Variants in TEX9 observed in about 807,000 individuals in gnomAD.
TEX9 encodes the protein testis-expressed protein 9.
Under a neutral mutation model 59.6 loss-of-function variants are expected in TEX9, and 74 were observed. The observed-to-expected ratio is 1.24, with a 90% CI of 1.03 to 1.51. The LOEUF (loss-of-function observed/expected upper bound fraction) is 1.51, where lower values mean the gene tolerates loss of function less well. TEX9 is among the 40% of genes most tolerant of loss of function. The pLI, the probability that TEX9 is intolerant of heterozygous loss-of-function variation, is 0.00. For synonymous variants in TEX9, 186 were observed against 152.2 expected (o/e 1.22, Z -1.64); for missense variants, 522 against 447.8 (o/e 1.17, Z -1.49).
At chr15:56,310,385 T>A (rs1391394921) in intron 1 of TEX9, among the ~76,000 whole-genome samples, 1 of 152,162 alleles carries the variant, frequency 6.6e-6, no homozygotes, top group East Asian at 1.9e-4. Flanking sequence ...TGAGCCGAGA[T>A]TGGGCCATTG....
chr15:56,326,697 T>G (rs374155309), intron 1 of TEX9, among the ~76,000 whole-genome samples: 3 of 152,052 alleles, frequency 2.0e-5, no homozygotes, highest in South Asian at 4.1e-4. Flanking sequence ...TGGAGAAAAA[T>G]CTCATGGAGA....
At chr15:56,365,509 C>T in intron 1 of TEX9, 32 bp downstream of exon 1, 1 of 1,614,206 alleles carries the variant, frequency 6.2e-7, no homozygotes, top group Non-Finnish European at 8.5e-7. Context: ...TGGGGAGCGT[C>T]TGGGTTCCGG....
At chr15:56,315,979 C>A (rs1372614069) in intron 1 of TEX9, among the ~76,000 whole-genome samples, 11 of 151,600 alleles carry the variant, frequency 7.3e-5, no homozygotes, top group Non-Finnish European at 1.5e-4. Flanking sequence ...ACGTAGCTCT[C>A]GAGCCTTGGT....
chr15:56,357,292 T>C (rs1045776337), intron 1 of TEX9, among the ~76,000 whole-genome samples: 3 of 152,198 alleles, frequency 2.0e-5, no homozygotes, highest in Non-Finnish European at 2.9e-5. Flanking sequence ...CTGGCTTTCA[T>C]TGTAGCTATT....
intron 1 of TEX9, among the ~76,000 whole-genome samples, chr15:56,328,988 A>G (rs2713911): frequency 0.95 from 145,331 of 152,234 alleles, 69,760 homozygotes; most frequent in East Asian, 1. Flanking sequence ...CGAGTGCTGT[A>G]TTGGCTTCAG....
chr15:56,455,915 A>T, the TEX9 span, among the ~76,000 whole-genome samples: 1 of 152,184 alleles, frequency 6.6e-6, no homozygotes, highest in East Asian at 1.9e-4. Context: ...CATCTAAAGA[A>T]GACAGATGCA....
At chr15:56,402,865 C>A (rs1334812291) in intron 9 of TEX9, among the ~76,000 whole-genome samples, 2 of 152,190 alleles carry the variant, frequency 1.3e-5, no homozygotes, top group Non-Finnish European at 2.9e-5. Flanking sequence ...ATCACATAAA[C>A]AGAACCAACA....
At chr15:56,373,462 G>T in exon 3 of TEX9, 1 of 1,585,964 alleles carries the variant, frequency 6.3e-7, no homozygotes, top group Non-Finnish European at 8.5e-7. Flanking sequence ...CAGAATTGCA[G>T]GCAAAAACAG....
upstream of TEX9, among the ~76,000 whole-genome samples, chr15:56,363,589 A>G (rs118125624): frequency 0.015 from 2,251 of 152,026 alleles, 21 homozygotes; most frequent in Non-Finnish European, 0.025. Context: ...GCCTACTTGT[A>G]TATGTTCTTT....
the TEX9 span, chr15:56,456,627 T>G: frequency 1.9e-6 from 2 of 1,053,556 alleles, no homozygotes; most frequent in Non-Finnish European, 2.8e-6. Context: ...AGGCCAACAA[T>G]TGATGATGTT....
intron 1 of TEX9, among the ~76,000 whole-genome samples, chr15:56,304,110 TAGA>T (rs1486952241): frequency 2.6e-5 from 4 of 152,126 alleles, no homozygotes; most frequent in East Asian, 3.8e-4. Flanking sequence ...TTCTAGAAAA[TAGA>T]AGGAGAGAGA....
At chr15:56,260,640 G>C (rs1026663745) in intron 1 of TEX9, among the ~76,000 whole-genome samples, 10 of 151,844 alleles carry the variant, frequency 6.6e-5, no homozygotes, top group Non-Finnish European at 1.2e-4. Flanking sequence ...CTTTGGATTT[G>C]ATTATTTAAT....
chr15:56,391,417 A>G, exon 7 of TEX9: 6 of 1,500,054 alleles, frequency 4.0e-6, no homozygotes, highest in South Asian at 1.4e-5. Flanking sequence ...ACATTGGAAC[A>G]GGTAGATTTT....
Position 56,369,800 on chromosome 15 carries a change from A to G in TEX9, c.120-3641A>G, listed in dbSNP as rs1042183624. 3.9e-5 allele frequency among the ~76,000 whole-genome samples: 6 copies of G among 152,330 alleles called. No homozygotes were observed. The South Asian group carries it at 8.3e-4, about 21-fold the overall frequency. ...CTGTTTTATATTTGTTCTTCATGAC[A>G]TCGGTATCCTCACCTTTTTTCTTGT... On this transcript the variant is annotated intron_variant, in intron 2 of 12. Transcript: ENST00000352903.
In TEX9 at chr15:56,413,175, A is replaced by T. The variant is rs193125817; in HGVS notation, c.963+739A>T. ...TGATATTACCTATTTAATAATTTTT[A>T]AATTCTATTTAATAATTAAATATTT... On this transcript the variant is annotated intron_variant, in intron 10 of 12. Coordinates refer to ENST00000352903, the Ensembl canonical transcript of TEX9. 5.8e-3 allele frequency among the ~76,000 whole-genome samples: 403 copies of T among 69,168 alleles called. 4 individuals carry two copies. The highest frequency in any genetic ancestry group is 0.016 in the African/African-American group (383 of 23,640). 45.4% of individuals were successfully genotyped at this position (69,168 alleles called of 152,430 possible).
chr15:56,433,525 A>G (rs1439544141), intron 12 of TEX9, among the ~76,000 whole-genome samples: 3 of 152,160 alleles, frequency 2.0e-5, no homozygotes. Context: ...AGCCCCATCA[A>G]TTCCGTATCC....
intron 9 of TEX9, among the ~76,000 whole-genome samples, chr15:56,399,431 T>A (rs181357786): frequency 7.5e-4 from 114 of 152,364 alleles, no homozygotes; most frequent in Non-Finnish European, 1.3e-3. Context: ...TTGCTGAGGC[T>A]TGAGCAGGTA....
rs1417665508 is a variant in TEX9 at position 56,394,843 on chromosome 15, T to C, written c.828+9T>C. The C allele has an allele frequency of 1.2e-6, 2 of 1,600,966 alleles. No individual in the cohort carries two copies. The highest frequency in any genetic ancestry group is 2.2e-5 in the East Asian group (1 of 44,692). ...TGTCTTCAGTAGAAAGGGTAATTAT[T>C]TGGTATTTTTCCTAACTTAATGCCA... On this transcript the variant is annotated intron_variant, in intron 9 of 12. Transcript: ENST00000352903.
chr15:56,409,448 CT>C (rs768980151), intron 9 of TEX9, among the ~76,000 whole-genome samples: 5 of 152,066 alleles, frequency 3.3e-5, no homozygotes, highest in Admixed American at 6.6e-5. Flanking sequence ...ACTACAGGAT[CT>C]TTGTCTTCAT....
Sources: gnomAD v4.1 joint callset for allele counts (sites outside exome capture counted in the v4.1 genomes callset) on GRCh38, gnomAD v4.1.1 for gene constraint, MANE v1.5 for transcripts, NCBI Gene and HGNC (gene_info 2026-07-23, HGNC 2026-07-21) for gene names.